TET1: variants seen among roughly 807,000 people sequenced by gnomAD.
TET1 encodes methylcytosine dioxygenase TET1.
In TET1, 13 loss-of-function variants were observed where a neutral mutation model predicts 148.7. The observed-to-expected ratio is 0.09, with a 90% CI of 0.06 to 0.14. TET1 has a LOEUF of 0.14. Among genes scored for constraint, TET1 ranks in the 10% least tolerant of loss-of-function variants. TET1 has a pLI of 1.00. For synonymous variants in TET1, 907 were observed against 937.2 expected (o/e 0.97, Z 0.59); for missense variants, 2,182 against 2,553.8 (o/e 0.85, Z 3.14).
Position 68,691,784 on chromosome 10 carries a change from C to A in TET1, c.6381C>A (p.His2127Gln). Residue 2127 changes from histidine to glutamine, a missense_variant, in exon 12 of 12, where the codon CAC (histidine) becomes CAA (glutamine). Physicochemically the swap from His to Gln is conservative, Grantham distance 24. Transcript: ENST00000373644. The surrounding 1 kb of genome is among the most constrained non-coding windows in gnomAD (Gnocchi z 4.4). ...VVTVSPYALT[H>Q]VAGPYNHWV ...CCGTGTCCCCTTATGCTCTCACACA[C>A]GTTGCGGGGCCCTATAACCATTGGG... 6.2e-7 allele frequency: 1 copy of A among 1,613,662 alleles called. No individual in the cohort carries two copies. The highest frequency in any genetic ancestry group is 8.5e-7 in the Non-Finnish European group (1 of 1,179,914).
intron 2 of TET1, among the ~76,000 whole-genome samples, chr10:68,593,863 C>T (rs1487375580): frequency 2.0e-5 from 3 of 150,716 alleles, no homozygotes; most frequent in South Asian, 2.1e-4. Flanking sequence ...ATCCACCTGC[C>T]TTGGCCTACC....
chr10:68,620,184 AAAAT>A (rs559096872), intron 3 of TET1, among the ~76,000 whole-genome samples: 1 of 152,226 alleles, frequency 6.6e-6, no homozygotes, highest in Non-Finnish European at 1.5e-5. Flanking sequence ...CTTTGTCTCA[AAAAT>A]AAATAAATAA....
chr10:68,569,540 A>T (rs2053643978), intron 1 of TET1, among the ~76,000 whole-genome samples: 2 of 152,116 alleles, frequency 1.3e-5, no homozygotes, highest in Admixed American at 6.6e-5. Context: ...AACAGATGAT[A>T]CTTCTCCCAG....
chr10:68,603,391 A>G (rs532578936), intron 3 of TET1, among the ~76,000 whole-genome samples: 72 of 152,290 alleles, frequency 4.7e-4, no homozygotes, highest in African/African-American at 1.7e-3. Flanking sequence ...GTTTCATCCT[A>G]CACTGACCTG....
At chr10:68,594,429 C>G (rs1017612106) in intron 2 of TET1, among the ~76,000 whole-genome samples, 4 of 152,238 alleles carry the variant, frequency 2.6e-5, no homozygotes, top group African/African-American at 9.6e-5. Context: ...TTTAGAAGAG[C>G]CATCAAGGAA....
chr10:68,609,358 T>C (rs1185060123), intron 3 of TET1, among the ~76,000 whole-genome samples: 1 of 151,754 alleles, frequency 6.6e-6, no homozygotes, highest in East Asian at 1.9e-4. Context: ...ATGGGGTTTC[T>C]CCATGTTGGT....
chr10:68,672,501 A>AAAAG (rs1356817671), intron 7 of TET1, among the ~76,000 whole-genome samples: 2 of 148,668 alleles, frequency 1.3e-5, no homozygotes, highest in African/African-American at 4.9e-5. Context: ...AAAAAAAAAA[A>AAAAG]AAAAAAAAAA....
At chr10:68,669,068 T>TG (rs968720967) in intron 7 of TET1, among the ~76,000 whole-genome samples, 3 of 151,956 alleles carry the variant, frequency 2.0e-5, no homozygotes, top group Admixed American at 6.6e-5. Flanking sequence ...ACCAAGAGTT[T>TG]GAGAACCTAT....
Position 68,645,661 on chromosome 10 carries a change from T to A in TET1, c.2932T>A (p.Ser978Thr). The change falls in exon 4 of 12, where the codon TCC (serine) becomes ACC (threonine). Residue 978 changes from serine to threonine, a missense_variant. Ser to Thr is a moderately conservative substitution (Grantham distance 58, BLOSUM62 1). Coordinates refer to ENST00000373644, the MANE Select transcript of TET1 (RefSeq NM_030625.3). Reference sequence around the variant, plus strand: ...TTTCAATGGGCAAACTACTACCCTTTCCAACTCACATATCAACTCAGCTAC... The same window carrying A: ...TTTCAATGGGCAAACTACTACCCTTACCAACTCACATATCAACTCAGCTAC... Reference protein sequence around the residue: ...VVFNGQTTTLSNSHINSATNQ... With the variant: ...VVFNGQTTTLTNSHINSATNQ... The A allele has an allele frequency of 6.2e-7, 1 of 1,614,158 alleles. No individual in the cohort carries two copies. Among genetic ancestry groups the A allele is most frequent in the South Asian group, 1.1e-5 (1 of 91,076 alleles).
chr10:68,691,167 A>C lies in TET1; in HGVS notation c.5764A>C (p.Ile1922Leu). The change falls in exon 12 of 12, where the codon ATT (isoleucine) becomes CTT (leucine). Residue 1922 changes from isoleucine (I) to leucine (L), a missense_variant. Coordinates refer to ENST00000373644, the MANE Select transcript of TET1 (RefSeq NM_030625.3). This position sits in a 1 kb window ranked among gnomAD's most constrained non-coding sequence, Gnocchi z 4.4. ...GTCTGCTCCTGTGATGGAGCCCCTCATTAATTCTGAGCCTTCCACTGGTGT... is the reference window on the plus strand; with the variant it reads ...GTCTGCTCCTGTGATGGAGCCCCTCCTTAATTCTGAGCCTTCCACTGGTGT... ...TLSAPVMEPL[I>L]NSEPSTGVTE... is the part of the protein sequence containing the mutation. 6.2e-7 allele frequency: 1 copy of C among 1,614,092 alleles called. No homozygotes were observed. The highest frequency in any genetic ancestry group is 8.5e-7 in the Non-Finnish European group (1 of 1,180,004).
intron 2 of TET1, among the ~76,000 whole-genome samples, chr10:68,586,526 G>A (rs1410956829): frequency 7.1e-6 from 1 of 141,570 alleles, no homozygotes; most frequent in Non-Finnish European, 1.5e-5. Flanking sequence ...GTAGAAATGT[G>A]ATCTCACTAT....
At chr10:68,687,130 GCCCCCGCC>G (rs974124876) in intron 11 of TET1, among the ~76,000 whole-genome samples, 13 of 137,626 alleles carry the variant, frequency 9.4e-5, no homozygotes, top group East Asian at 6.3e-4. Flanking sequence ...CTCTTGATCC[GCCCCCGCC>G]CCCCCGCCCC....
chr10:68,588,932 G>T (rs1255083483), intron 2 of TET1, among the ~76,000 whole-genome samples: 1 of 151,774 alleles, frequency 6.6e-6, no homozygotes, highest in Non-Finnish European at 1.5e-5. Flanking sequence ...GACAAGCCTG[G>T]GTAACAAACT....
chr10:68,581,446 A>G (rs1389052524), intron 2 of TET1, among the ~76,000 whole-genome samples: 1 of 152,186 alleles, frequency 6.6e-6, no homozygotes, highest in Non-Finnish European at 1.5e-5. Flanking sequence ...TTGTTACAAA[A>G]AAGGAACGGG....
chr10:68,632,287 ACT>A (rs1234185715), intron 3 of TET1: 104 of 1,142,136 alleles, frequency 9.1e-5, no homozygotes, highest in Non-Finnish European at 1.2e-4. Flanking sequence ...CCGCCACTGC[ACT>A]CCAGCCTGGG....
chr10:68,581,891 G>A (rs2053802548), intron 2 of TET1, among the ~76,000 whole-genome samples: 1 of 151,826 alleles, frequency 6.6e-6, no homozygotes, highest in Non-Finnish European at 1.5e-5. Context: ...CTGAAGATAG[G>A]GTCTTCATAT....
chr10:68,607,068 A>C (rs1283679188), intron 3 of TET1, among the ~76,000 whole-genome samples: 1 of 152,066 alleles, frequency 6.6e-6, no homozygotes. Flanking sequence ...CTCAAGACTC[A>C]TGTCCATTCT....
chr10:68,672,324 C>T (rs1040160412), intron 7 of TET1, among the ~76,000 whole-genome samples: 3 of 151,044 alleles, frequency 2.0e-5, no homozygotes, highest in Non-Finnish European at 4.4e-5. Context: ...CCCGTCTCTA[C>T]TAAAAATAAA....
intron 1 of TET1, among the ~76,000 whole-genome samples, chr10:68,571,684 C>T (rs941734164): frequency 6.6e-6 from 1 of 152,188 alleles, no homozygotes; most frequent in African/African-American, 2.4e-5. Context: ...AGGCATGAGC[C>T]ACCGCACCTG....
Sources: gnomAD v4.1 joint callset for allele counts (sites outside exome capture counted in the v4.1 genomes callset) on GRCh38, gnomAD v4.1.1 for gene constraint, Gnocchi (gnomAD v3.1) non-coding constraint, MANE v1.5 for transcripts, NCBI Gene and HGNC (gene_info 2026-07-23, HGNC 2026-07-21) for gene names.